The following MEIS2 variants were observed in gnomAD, a reference collection of about 807,000 sequenced individuals.
MEIS2 encodes Meis homeobox 2, also known as homeobox protein Meis2.
In MEIS2, 9 loss-of-function variants were observed where a neutral mutation model predicts 58.6. That is an observed-to-expected ratio of 0.15 (90% confidence interval 0.09 to 0.27). MEIS2 has a LOEUF of 0.27. MEIS2 is among the 10% of genes least tolerant of loss of function. The probability of loss-of-function intolerance (pLI) is 1.00; values close to 1 mark genes in which losing one functional copy is unlikely to be tolerated. For missense variants in MEIS2, 427 were observed against 635.0 expected (o/e 0.67, Z 3.52); for synonymous variants, 221 against 228.4 (o/e 0.97, Z 0.29).
At position 37,045,046 on chromosome 15, in the gene MEIS2, G is replaced by A. The variant is rs1271526943; in HGVS notation, c.755-8087C>T. 2.0e-5 allele frequency among the ~76,000 whole-genome samples: 3 copies of A among 152,170 alleles called. No homozygotes were observed. In the Middle Eastern group the frequency reaches 0.01, roughly 518 times the overall value. ...CTCCCTCCACTCTCCCTGCCCTATC[G>A]GCACTAGGTTATCACCCACCCAGTG... On this transcript the variant is annotated intron_variant, in intron 7 of 11. Transcript: ENST00000561208.
At position 37,042,353 on chromosome 15, in the gene MEIS2, A is replaced by G. The variant is rs529507333; in HGVS notation, c.755-5394T>C. Among the ~76,000 whole-genome samples, 8 of 152,258 alleles carry G rather than the reference A, an allele frequency of 5.3e-5. No individual in the cohort carries two copies. The South Asian group carries it at 1.7e-3, about 32-fold the overall frequency. ...TCTTTCTCCTTGTCTTATCAGAAAA[A>G]CATTGCAACAACCAAGACAGTCCTA... On this transcript the variant is annotated intron_variant, in intron 7 of 11. Transcript: ENST00000561208.
chr15:36,910,209 C>A (rs1401344744), intron 9 of MEIS2, among the ~76,000 whole-genome samples: 1 of 151,998 alleles, frequency 6.6e-6, no homozygotes, highest in African/African-American at 2.4e-5. Context: ...TTGTCTCAAC[C>A]CCCAAAACAA....
chr15:37,080,440 A>G (rs1236437186), intron 7 of MEIS2, among the ~76,000 whole-genome samples: 1 of 152,130 alleles, frequency 6.6e-6, no homozygotes, highest in Non-Finnish European at 1.5e-5. Flanking sequence ...ACCCATCAAT[A>G]ATAATAATAC....
At chr15:36,996,221 C>T (rs1411087398) in intron 8 of MEIS2, among the ~76,000 whole-genome samples, 1 of 151,916 alleles carries the variant, frequency 6.6e-6, no homozygotes, top group Admixed American at 6.6e-5. Context: ...GGTCATTAGT[C>T]TCACAGACTA....
At chr15:36,927,436 G>C (rs1409984978) in intron 9 of MEIS2, among the ~76,000 whole-genome samples, 2 of 151,932 alleles carry the variant, frequency 1.3e-5, no homozygotes, top group Non-Finnish European at 2.9e-5. Flanking sequence ...AAAATAAGGT[G>C]AAAGGAAAAA....
Position 36,895,558 on chromosome 15 carries a change from A to AC in MEIS2, c.1037-298dup, listed in dbSNP as rs546057405. Among the ~76,000 whole-genome samples the AC allele has an allele frequency of 1.6e-4, 25 of 152,194 alleles. No individual in the cohort carries two copies. In the East Asian group the frequency reaches 4.8e-3, roughly 29 times the overall value. ...GACGAAGGCTGGAGAAGTTAGGGGT[A>AC]CCCCATATACAAATATTGCAATGTA... On this transcript the variant is annotated intron_variant, in intron 10 of 11. Coordinates refer to ENST00000561208, the MANE Select transcript of MEIS2 (RefSeq NM_170675.5).
intron 9 of MEIS2, among the ~76,000 whole-genome samples, chr15:36,922,724 G>A (rs763076833): frequency 2.0e-4 from 30 of 150,294 alleles, no homozygotes; most frequent in Non-Finnish European, 4.0e-4. Flanking sequence ...GGGTTCAGGC[G>A]ATTCTCCTGC....
rs1013392994 is a variant in MEIS2 at position 37,088,448 on chromosome 15, CATTATGCAAAAAAT to C, written c.640-4577_640-4564del. Among the ~76,000 whole-genome samples, 4 of 152,104 alleles carry C rather than the reference CATTATGCAAAAAAT, an allele frequency of 2.6e-5. 1 individual carries two copies. Among genetic ancestry groups the C allele is most frequent in the Admixed American group, 2.0e-4 (3 of 15,268 alleles). On this transcript the variant is annotated intron_variant, in intron 6 of 11. Coordinates refer to ENST00000561208, the MANE Select transcript of MEIS2 (RefSeq NM_170675.5). Reference sequence around the variant, plus strand: ...TTATAATGTTTTAACTCCTAATTAACATTATGCAAAAAATATTTTTAAAAATAAAACAAGGACTC... The same window carrying C: ...TTATAATGTTTTAACTCCTAATTAACATTTTTAAAAATAAAACAAGGACTC...
intron 8 of MEIS2, among the ~76,000 whole-genome samples, chr15:37,035,656 G>A (rs1434308079): frequency 6.6e-6 from 1 of 152,128 alleles, no homozygotes; most frequent in Non-Finnish European, 1.5e-5. Flanking sequence ...GACACCACAG[G>A]CCAGATCGAT....
chr15:36,908,722 G>A lies in MEIS2; in HGVS notation c.978-12036C>T, dbSNP rs569565090. 2.3e-4 allele frequency among the ~76,000 whole-genome samples: 35 copies of A among 152,206 alleles called. No individual in the cohort carries two copies. The South Asian group carries it at 2.7e-3, about 12-fold the overall frequency. On this transcript the variant is annotated intron_variant, in intron 9 of 11. Coordinates refer to ENST00000561208, the MANE Select transcript of MEIS2 (RefSeq NM_170675.5). The stretch of plus-strand genomic sequence containing the variant: ...TGTAATCCCAGCACTTTGGGAGACC[G>A]AGGCGGGCGGATCACCAGCCTGACC...
chr15:36,909,354 T>G (rs2056893039), intron 9 of MEIS2, among the ~76,000 whole-genome samples: 1 of 152,040 alleles, frequency 6.6e-6, no homozygotes, highest in South Asian at 2.1e-4. Context: ...TGACACTGCG[T>G]CAGGAATATA....
chr15:36,894,703 C>T (rs1217966724), intron 11 of MEIS2: 1 of 1,581,564 alleles, frequency 6.3e-7, no homozygotes. Context: ...CAGATCGCAC[C>T]CGACTGTACT....
In MEIS2 at chr15:37,019,043, T is replaced by C. The variant is rs375739267; in HGVS notation, c.900+17771A>G. Reference sequence around the variant, plus strand: ...CCACCCGCAGCTATAATTTATGTCATGGGGTGAGGGTTGGAATGAGAAGAG... The same window carrying C: ...CCACCCGCAGCTATAATTTATGTCACGGGGTGAGGGTTGGAATGAGAAGAG... On this transcript the variant is annotated intron_variant, in intron 8 of 11. Transcript: ENST00000561208. 3.9e-5 allele frequency among the ~76,000 whole-genome samples: 6 copies of C among 152,274 alleles called. No individual in the cohort carries two copies. The East Asian group carries it at 7.7e-4, about 20-fold the overall frequency.
At chr15:37,044,806 TGAG>T (rs2062592687) in intron 7 of MEIS2, among the ~76,000 whole-genome samples, 1 of 152,216 alleles carries the variant, frequency 6.6e-6, no homozygotes, top group Non-Finnish European at 1.5e-5. Context: ...AGTTTGTCTG[TGAG>T]CTTTTGCTAG....
chr15:36,911,335 T>A (rs912181647), intron 9 of MEIS2, among the ~76,000 whole-genome samples: 1 of 152,052 alleles, frequency 6.6e-6, no homozygotes, highest in Non-Finnish European at 1.5e-5. Context: ...TATATACATA[T>A]ATATTTTCAA....
At chr15:37,058,586 A>G (rs1888769246) in intron 7 of MEIS2, among the ~76,000 whole-genome samples, 2 of 152,232 alleles carry the variant, frequency 1.3e-5, no homozygotes, top group African/African-American at 4.8e-5. Flanking sequence ...TGATCTGTGC[A>G]GTCACCACTA....
intron 9 of MEIS2, among the ~76,000 whole-genome samples, chr15:36,930,883 T>G (rs2057951087): frequency 1.3e-5 from 2 of 152,332 alleles, no homozygotes; most frequent in Non-Finnish European, 1.5e-5. Context: ...GGTTTGATAT[T>G]GTTTTTAATT....
At chr15:36,975,864 A>C (rs912636363) in intron 8 of MEIS2, among the ~76,000 whole-genome samples, 1 of 152,222 alleles carries the variant, frequency 6.6e-6, no homozygotes, top group Admixed American at 6.5e-5. Context: ...GCAAATTTTA[A>C]GAATTATCAC....
At chr15:36,922,551 C>T (rs2057558574) in intron 9 of MEIS2, among the ~76,000 whole-genome samples, 1 of 151,298 alleles carries the variant, frequency 6.6e-6, no homozygotes, top group South Asian at 2.1e-4. Context: ...GGAGTATCTA[C>T]CTCTACTCCT....
Sources: gnomAD v4.1 joint callset for allele counts (sites outside exome capture counted in the v4.1 genomes callset) on GRCh38, gnomAD v4.1.1 for gene constraint, MANE v1.5 for transcripts, NCBI Gene and HGNC (gene_info 2026-07-23, HGNC 2026-07-21) for gene names.